The following NFIA variants were observed in gnomAD, a reference collection of about 807,000 sequenced individuals.
NFIA encodes the protein nuclear factor I A, also known as nuclear factor 1 A-type.
NFIA carries 8 observed loss-of-function variants against 62.8 expected under a neutral mutation model. The observed-to-expected ratio is 0.13, with a 90% CI of 0.07 to 0.23. The LOEUF (loss-of-function observed/expected upper bound fraction) is 0.23, where lower values mean the gene tolerates loss of function less well. Ranked by LOEUF, NFIA falls within the 10% of genes least tolerant of loss-of-function variation. The pLI, the probability that NFIA is intolerant of heterozygous loss-of-function variation, is 1.00. For synonymous variants in NFIA, 235 were observed against 238.1 expected, an observed-to-expected ratio of 0.99 and a Z score of 0.12; for missense variants, 410 against 642.1, an observed-to-expected ratio of 0.64 and a Z score of 3.91.
intron 6 of NFIA, among the ~76,000 whole-genome samples, chr1:61,372,948 T>G (rs2100466616): frequency 6.6e-6 from 1 of 152,296 alleles, no homozygotes; most frequent in Non-Finnish European, 1.5e-5. Context: ...CTCTTTCTAT[T>G]AAAAATTTGA....
At position 61,406,543 on chromosome 1, in the gene NFIA, G is replaced by GGGGGCCCCCCCCCCCCC; in HGVS notation, c.1255-19_1255-18insGGGGCCCCCCCCCCCCC. 1 of 876,654 alleles carries GGGGGCCCCCCCCCCCCC rather than the reference G, an allele frequency of 1.1e-6. No individual in the cohort carries two copies. Among genetic ancestry groups the GGGGGCCCCCCCCCCCCC allele is most frequent in the Non-Finnish European group, 1.5e-6 (1 of 653,744 alleles). 54.3% of individuals were successfully genotyped at this position (876,654 alleles called of 1,614,324 possible). A position where few individuals can be genotyped will look rare whatever the true frequency, so the allele number is the denominator to read the frequency against. On this transcript the variant is annotated intron_variant, in intron 8 of 10. Coordinates refer to ENST00000403491, the MANE Select transcript of NFIA (RefSeq NM_001134673.4). ...TCTTTTTCTTGTACGTGTGTTTTCTGCCCCCCCCCCCCCCACAGCCCAATG... is the reference window on the plus strand; with the variant it reads ...TCTTTTTCTTGTACGTGTGTTTTCTGGGGGCCCCCCCCCCCCCCCCCCCCCCCCCCCACAGCCCAATG...
intron 9 of NFIA, among the ~76,000 whole-genome samples, chr1:61,424,265 G>A (rs17122198): frequency 0.02 from 3,096 of 152,200 alleles, 88 homozygotes; most frequent in African/African-American, 0.057. Context: ...GCAAAAATAG[G>A]TGATGGGATA....
At chr1:61,184,129 A>C (rs1438340571) in intron 2 of NFIA, among the ~76,000 whole-genome samples, 25 of 146,612 alleles carry the variant, frequency 1.7e-4, no homozygotes, top group Admixed American at 7.6e-4. Context: ...AAAAACCAAA[A>C]AAAAAAAAAA....
intron 2 of NFIA, among the ~76,000 whole-genome samples, chr1:61,162,023 T>C (rs1649244252): frequency 6.6e-6 from 1 of 152,228 alleles, no homozygotes; most frequent in African/African-American, 2.4e-5. Context: ...AAGGACCTCA[T>C]AGATAATTTT....
intron 10 of NFIA, among the ~76,000 whole-genome samples, chr1:61,446,031 A>C (rs1667794291): frequency 1.3e-5 from 2 of 152,112 alleles, no homozygotes; most frequent in South Asian, 4.1e-4. Context: ...CGATTAGAAA[A>C]AAAAAATGAT....
chr1:61,381,891 A>G (rs777405081), intron 6 of NFIA, among the ~76,000 whole-genome samples: 10 of 152,188 alleles, frequency 6.6e-5, no homozygotes, highest in Non-Finnish European at 1.0e-4. Flanking sequence ...TACACGCAAA[A>G]CTAGCTAAAT....
chr1:61,396,988 T>G lies in NFIA; in HGVS notation c.1076-7116T>G, dbSNP rs1665311123. ...CTGCACTCCATCCTAGGTGACAGAG[T>G]GAGACTCTGTCTCCAAAAAAAAAAA... On this transcript the variant is annotated intron_variant, in intron 7 of 10. Transcript: ENST00000403491. 2.0e-5 allele frequency among the ~76,000 whole-genome samples: 3 copies of G among 146,818 alleles called. No individual in the cohort carries two copies. The South Asian group carries it at 6.6e-4, about 32-fold the overall frequency.
chr1:61,254,835 G>T (rs1181050887), intron 2 of NFIA, among the ~76,000 whole-genome samples: 1 of 152,168 alleles, frequency 6.6e-6, no homozygotes, highest in East Asian at 1.9e-4. Context: ...TAGAATTTTA[G>T]TGTTGATTTA....
intron 3 of NFIA, among the ~76,000 whole-genome samples, chr1:61,278,931 C>T (rs1342411237): frequency 1.3e-5 from 2 of 152,102 alleles, no homozygotes; most frequent in Non-Finnish European, 2.9e-5. Flanking sequence ...AATAATATTA[C>T]CTGTTTGTTG....
At chr1:61,263,537 G>A (rs760808129) in intron 2 of NFIA, among the ~76,000 whole-genome samples, 41 of 152,054 alleles carry the variant, frequency 2.7e-4, no homozygotes, top group Non-Finnish European at 1.3e-4. Context: ...TTGAAAAACC[G>A]TAAAGCCAAG....
intron 2 of NFIA, among the ~76,000 whole-genome samples, chr1:61,096,547 C>CTTTTTTTTTTTTTTTT (rs369305204): frequency 1.2e-5 from 1 of 80,606 alleles, no homozygotes; most frequent in African/African-American, 5.4e-5. Context: ...AAGATTAGTT[C>CTTTTTTTTTTTTTTTT]TTTTTTTTTT....
At chr1:61,422,050 C>A (rs905067254) in intron 9 of NFIA, among the ~76,000 whole-genome samples, 1 of 152,094 alleles carries the variant, frequency 6.6e-6, no homozygotes, top group African/African-American at 2.4e-5. Context: ...TCACTTGAGC[C>A]TAGGAGTTTG....
In NFIA at chr1:61,426,543, C is replaced by T. The variant is rs1666879827; in HGVS notation, c.1499C>T (p.Pro500Leu). Residue 500 changes from proline (P) to leucine (L), a missense_variant, in exon 10 of 11, where the codon CCT (proline) becomes CTT (leucine). This residue lies in a region of NFIA where 298 missense variants were observed against 438.1 expected (regional missense o/e 0.68). Coordinates refer to ENST00000403491, the MANE Select transcript of NFIA (RefSeq NM_001134673.4). ...GPRDPSFVNI[P>L]QQTQSWYLG ...CGGGATCCAAGCTTTGTAAATATCC[C>T]TCAACAGACACAGGTGGGCCGCTCT... The T allele has an allele frequency of 3.2e-6, 5 of 1,551,240 alleles. No homozygotes were observed. The highest frequency in any genetic ancestry group is 4.4e-6 in the Non-Finnish European group (5 of 1,146,580).
Position 61,406,543 on chromosome 1 carries a change from G to GGGGCCCCCCC in NFIA, c.1255-19_1255-18insGGGCCCCCCC. 3 of 876,648 alleles carry GGGGCCCCCCC rather than the reference G, an allele frequency of 3.4e-6. No homozygotes were observed. Among genetic ancestry groups the GGGGCCCCCCC allele is most frequent in the Non-Finnish European group, 4.6e-6 (3 of 653,738 alleles). The allele number at this position is 876,648 out of a possible 1,614,324, so 54.3% of individuals were successfully genotyped here. On this transcript the variant is annotated intron_variant, in intron 8 of 10. Transcript: ENST00000403491. ...TCTTTTTCTTGTACGTGTGTTTTCT[G>GGGGCCCCCCC]CCCCCCCCCCCCCCACAGCCCAATG...
chr1:61,172,884 G>T (rs746566855), intron 2 of NFIA, among the ~76,000 whole-genome samples: 9 of 152,198 alleles, frequency 5.9e-5, no homozygotes, highest in Non-Finnish European at 1.2e-4. Flanking sequence ...ATTTGAGAAA[G>T]ACTATTGAAT....
chr1:61,082,862 CG>C, intron 1 of NFIA, 44 bp downstream of exon 1: 5 of 671,192 alleles, frequency 7.4e-6, no homozygotes, highest in East Asian at 4.9e-5. Context: ...GCCGGGGCGC[CG>C]GGGGCAGGGC....
intron 3 of NFIA, among the ~76,000 whole-genome samples, chr1:61,301,031 A>G (rs934793657): frequency 1.3e-5 from 2 of 152,110 alleles, no homozygotes; most frequent in Admixed American, 1.3e-4. Flanking sequence ...GGAAAAAGAG[A>G]AACGTATGAT....
intron 2 of NFIA, among the ~76,000 whole-genome samples, chr1:61,158,973 C>G (rs576781207): frequency 3.3e-5 from 5 of 152,088 alleles, no homozygotes; most frequent in Non-Finnish European, 5.9e-5. Context: ...TTTAGCCACC[C>G]TGGAGTAGTT....
intron 3 of NFIA, among the ~76,000 whole-genome samples, chr1:61,303,314 C>G (rs1364304801): frequency 6.6e-6 from 1 of 152,202 alleles, no homozygotes; most frequent in Non-Finnish European, 1.5e-5. Context: ...AATAAAATCC[C>G]TGCCCCTCAA....
Sources: allele counts gnomAD v4.1 joint callset (sites outside exome capture counted in the v4.1 genomes callset), GRCh38; gene constraint gnomAD v4.1.1; regional missense constraint gnomAD v4.1.1; transcripts MANE v1.5; gene names NCBI Gene and HGNC (gene_info 2026-07-23, HGNC 2026-07-21).